Variants in RNF24 observed in about 807,000 individuals in gnomAD.
The protein encoded by RNF24 is ring finger protein 24.
RNF24 carries 14 observed loss-of-function variants against 20.0 expected under a neutral mutation model. That is an observed-to-expected ratio of 0.70 (90% CI 0.46 to 1.10). RNF24 has a LOEUF of 1.10. RNF24 is among the 50% of genes least tolerant of loss of function. The pLI, the probability that RNF24 is intolerant of heterozygous loss-of-function variation, is 0.00. For synonymous variants in RNF24, 45 were observed against 61.1 expected (o/e 0.74, Z 1.23); for missense variants, 124 against 177.6 (o/e 0.70, Z 1.71).
Position 3,932,221 on chromosome 20 carries a change from G to A in RNF24, c.*1842C>T, listed in dbSNP as rs2090833117. On this transcript the variant is annotated 3_prime_UTR_variant, in exon 6 of 6. Transcript: ENST00000358395. ...TCACTGAAAACAGCTCACTATAAAC[G>A]GGGTGTTTTGTGGCATTCAACTCTG... The A allele has an allele frequency of 6.6e-6, 1 of 152,162 alleles. No homozygotes were observed. Among genetic ancestry groups the A allele is most frequent in the Non-Finnish European group, 1.5e-5 (1 of 68,026 alleles). The allele number at this position is 152,162 out of a possible 1,614,324, so 9.4% of individuals were successfully genotyped here.
chr20:4,003,436 T>C (rs1353458053), intron 1 of RNF24, among the ~76,000 whole-genome samples: 1 of 152,178 alleles, frequency 6.6e-6, no homozygotes, highest in African/African-American at 2.4e-5. Flanking sequence ...TCCAAGCAAT[T>C]CAAAGTAAAC....
intron 3 of RNF24, among the ~76,000 whole-genome samples, chr20:3,946,303 C>T (rs189636242): frequency 1.3e-5 from 2 of 152,118 alleles, no homozygotes; most frequent in Admixed American, 1.3e-4. Flanking sequence ...CCTGTCTCTA[C>T]AAAAAATACA....
At chr20:4,006,745 G>A (rs1981903503) in intron 1 of RNF24, among the ~76,000 whole-genome samples, 1 of 152,198 alleles carries the variant, frequency 6.6e-6, no homozygotes, top group Non-Finnish European at 1.5e-5. Flanking sequence ...GTACTATGGA[G>A]GGCCAGTGCA....
Position 4,005,039 on chromosome 20 carries a change from T to A in RNF24, c.-8+10398A>T, listed in dbSNP as rs928765523. On this transcript the variant is annotated intron_variant, in intron 1 of 5. Transcript: ENST00000358395. ...CCAGAGGTGCCAGTACAGGATAACA[T>A]CTGAATAGTAAAGAGACTGTATTCT... 2.0e-5 allele frequency among the ~76,000 whole-genome samples: 3 copies of A among 152,180 alleles called. No individual in the cohort carries two copies. The East Asian group carries it at 5.8e-4, about 29-fold the overall frequency.
intron 1 of RNF24, among the ~76,000 whole-genome samples, chr20:3,964,922 A>G (rs1241508569): frequency 5.9e-5 from 9 of 152,060 alleles, no homozygotes; most frequent in Admixed American, 3.3e-4. Context: ...TCCAACTCCA[A>G]ACTCAGCAGT....
intron 2 of RNF24, 77 bp downstream of exon 2, chr20:3,963,796 TAA>T: frequency 7.8e-7 from 1 of 1,276,308 alleles, no homozygotes; most frequent in Non-Finnish European, 1.1e-6. Flanking sequence ...TACTTCATTT[TAA>T]AAAAAATCTG....
intron 3 of RNF24, among the ~76,000 whole-genome samples, chr20:3,947,662 G>A (rs554912859): frequency 1.8e-4 from 28 of 152,292 alleles, no homozygotes; most frequent in African/African-American, 6.7e-4. Flanking sequence ...AGAATTACAA[G>A]CTATAGCATT....
At chr20:3,967,982 A>T (rs1470214793) in intron 1 of RNF24, among the ~76,000 whole-genome samples, 1 of 148,082 alleles carries the variant, frequency 6.8e-6, no homozygotes, top group Non-Finnish European at 1.5e-5. Flanking sequence ...ACAAAAAAAA[A>T]AAAAAAAAAA....
chr20:3,928,586 T>TC lies in RNF24; in HGVS notation c.*5476dup, dbSNP rs1487354202. ...TCCTGGCTAACACGGTGAAACTCCG[T>TC]CTGTACTAAAAATACAAAAAATTAG... On this transcript the variant is annotated 3_prime_UTR_variant, in exon 6 of 6. Coordinates refer to ENST00000358395, the MANE Select transcript of RNF24 (RefSeq NM_001134337.3). 1 of 151,670 alleles carries TC rather than the reference T, an allele frequency of 6.6e-6. No homozygotes were observed. The highest frequency in any genetic ancestry group is 2.4e-5 in the African/African-American group (1 of 41,310). The allele number at this position is 151,670 out of a possible 1,614,324, so 9.4% of individuals were successfully genotyped here. A position where few individuals can be genotyped will look rare whatever the true frequency, so the allele number is the denominator to read the frequency against.
chr20:3,975,655 G>A (rs1351733995), intron 1 of RNF24, among the ~76,000 whole-genome samples: 1 of 152,152 alleles, frequency 6.6e-6, no homozygotes, highest in African/African-American at 2.4e-5. Context: ...TGTTGAAGAT[G>A]TAATTAATTC....
intron 1 of RNF24, among the ~76,000 whole-genome samples, chr20:4,010,317 GA>G (rs1568675049): frequency 6.6e-6 from 1 of 152,170 alleles, no homozygotes; most frequent in Admixed American, 6.6e-5. Context: ...AGGTTGTGGT[GA>G]GCCGAGATTG....
chr20:3,934,069 A>C lies in RNF24; in HGVS notation c.441T>G (p.Ile147Met), dbSNP rs759005148. Residue 147 changes from isoleucine to methionine, a missense_variant, in exon 6 of 6, where the codon ATT (isoleucine) becomes ATG (methionine). By Grantham distance (10) the Ile-to-Met change is conservative. Coordinates refer to ENST00000358395, the MANE Select transcript of RNF24 (RefSeq NM_001134337.3). The surrounding 1 kb of genome is among the most constrained non-coding windows in gnomAD (Gnocchi z 4.0). ...PQGPLPGAEN[I>M]V The stretch of plus-strand genomic sequence containing the variant: ...GTCTGATCCTTGCGGTAAGCTATAC[A>C]ATGTTCTCTGCCCCAGGAAGGGGCC... 6.7e-6 allele frequency: 10 copies of C among 1,495,890 alleles called. No individual in the cohort carries two copies. The East Asian group carries it at 2.0e-4, about 31-fold the overall frequency. The allele number at this position is 1,495,890 out of a possible 1,614,324, so 92.7% of individuals were successfully genotyped here.
intron 1 of RNF24, among the ~76,000 whole-genome samples, chr20:3,991,990 C>T (rs969308625): frequency 2.0e-5 from 3 of 151,982 alleles, no homozygotes; most frequent in Non-Finnish European, 4.4e-5. Flanking sequence ...TGCTAATACA[C>T]TACTTTTTAC....
chr20:4,003,183 C>A (rs923090758), intron 1 of RNF24, among the ~76,000 whole-genome samples: 9 of 152,118 alleles, frequency 5.9e-5, no homozygotes, highest in African/African-American at 2.2e-4. Flanking sequence ...CTGGGACAGG[C>A]TGGTCTTGAA....
rs2091172954 is a variant in RNF24 at position 3,958,964 on chromosome 20, CTA to C, written c.143+4909_143+4910del. 2.6e-5 allele frequency among the ~76,000 whole-genome samples: 4 copies of C among 152,214 alleles called. No individual in the cohort carries two copies. The South Asian group carries it at 8.3e-4, about 32-fold the overall frequency. On this transcript the variant is annotated intron_variant, in intron 2 of 5. Transcript: ENST00000358395. ...GCCTCGATTTTCCTCTTATCTCCTGCTATCCCTTCTCAGTCTCTTTTAAGGGC... is the reference window on the plus strand; with the variant it reads ...GCCTCGATTTTCCTCTTATCTCCTGCTCCCTTCTCAGTCTCTTTTAAGGGC...
chr20:3,962,340 T>C (rs2091210907), intron 2 of RNF24, among the ~76,000 whole-genome samples: 1 of 152,026 alleles, frequency 6.6e-6, no homozygotes, highest in Non-Finnish European at 1.5e-5. Context: ...GGTAACAGAG[T>C]GAGAACCCAT....
chr20:3,979,088 T>C (rs1422660676), intron 1 of RNF24, among the ~76,000 whole-genome samples: 3 of 143,642 alleles, frequency 2.1e-5, no homozygotes. Context: ...AGTGAGACTC[T>C]GTCAAAAAAA....
intron 1 of RNF24, among the ~76,000 whole-genome samples, chr20:3,967,216 A>G (rs996169038): frequency 6.6e-6 from 1 of 152,226 alleles, no homozygotes; most frequent in Non-Finnish European, 1.5e-5. Flanking sequence ...CATCTTAGTA[A>G]TATGCATTCT....
intron 1 of RNF24, among the ~76,000 whole-genome samples, chr20:3,981,782 G>A (rs958170142): frequency 4.6e-5 from 7 of 151,968 alleles, no homozygotes; most frequent in African/African-American, 9.7e-5. Context: ...TATTTTCAAG[G>A]CTATTCTTAC....
Sources: gnomAD v4.1 joint callset for allele counts (sites outside exome capture counted in the v4.1 genomes callset) on GRCh38, gnomAD v4.1.1 for gene constraint, Gnocchi (gnomAD v3.1) non-coding constraint, MANE v1.5 for transcripts, NCBI Gene and HGNC (gene_info 2026-07-23, HGNC 2026-07-21) for gene names.